PIP5K1B: variants seen among roughly 807,000 people sequenced by gnomAD.
The protein encoded by PIP5K1B is phosphatidylinositol 4-phosphate 5-kinase type-1 beta.
In PIP5K1B, 42 loss-of-function variants were observed where a neutral mutation model predicts 67.0. That is an observed-to-expected ratio of 0.63 (90% CI 0.49 to 0.81). The LOEUF is 0.81. PIP5K1B is among the 30% of genes least tolerant of loss of function. The probability of loss-of-function intolerance (pLI) is 0.00; values close to 1 mark genes in which losing one functional copy is unlikely to be tolerated. For missense variants in PIP5K1B, 459 were observed against 646.3 expected (o/e 0.71, Z 3.14); for synonymous variants, 214 against 231.4 (o/e 0.92, Z 0.68).
At chr9:68,808,451 A>ATGTCTT (rs1832989414) in intron 2 of PIP5K1B, among the ~76,000 whole-genome samples, 1 of 151,884 alleles carries the variant, frequency 6.6e-6, no homozygotes, top group Non-Finnish European at 1.5e-5. Flanking sequence ...GATACATACT[A>ATGTCTT]TGTCTTTGTA....
At chr9:68,894,710 A>C in intron 8 of PIP5K1B, 72 bp downstream of exon 8, 5 of 1,383,748 alleles carry the variant, frequency 3.6e-6, no homozygotes, top group Non-Finnish European at 5.0e-6. Flanking sequence ...CACTTATTGA[A>C]AGCATAGAAA....
rs577804429 is a variant in PIP5K1B, at chr9:68,924,333, C to T, written c.1201+947C>T. ...AGGAGAATCGCTTGAACCCAGGAGG[C>T]GGAGGTTGCAGTGAGCCGAGATCAT... On this transcript the variant is annotated intron_variant, in intron 12 of 15. Coordinates refer to ENST00000265382, the MANE Select transcript of PIP5K1B (RefSeq NM_003558.4). 3.9e-5 allele frequency among the ~76,000 whole-genome samples: 5 copies of T among 129,780 alleles called. No homozygotes were observed. The South Asian group carries it at 8.0e-4, about 21-fold the overall frequency. The allele number at this position is 129,780 out of a possible 152,430, so 85.1% of individuals were successfully genotyped here. A position where few individuals can be genotyped will look rare whatever the true frequency, so the allele number is the denominator to read the frequency against.
chr9:68,995,598 G>C (rs1157158316), intron 15 of PIP5K1B, among the ~76,000 whole-genome samples: 1 of 152,118 alleles, frequency 6.6e-6, no homozygotes, highest in Non-Finnish European at 1.5e-5. Context: ...CTGAGGTCGG[G>C]AATTCGAGAC....
chr9:69,006,653 T>A (rs1409352692), intron 15 of PIP5K1B, among the ~76,000 whole-genome samples: 1 of 152,134 alleles, frequency 6.6e-6, no homozygotes, highest in Non-Finnish European at 1.5e-5. Context: ...TCCCCTGGGG[T>A]CCTGGCTCCA....
At chr9:68,895,821 C>T (rs1825056089) in intron 8 of PIP5K1B, among the ~76,000 whole-genome samples, 1 of 152,088 alleles carries the variant, frequency 6.6e-6, no homozygotes, top group South Asian at 2.1e-4. Context: ...TTAATTCTCT[C>T]AGCAATTCTT....
intron 2 of PIP5K1B, among the ~76,000 whole-genome samples, chr9:68,757,792 A>G (rs1020697761): frequency 6.6e-6 from 1 of 152,210 alleles, no homozygotes; most frequent in African/African-American, 2.4e-5. Flanking sequence ...TGAAATCTAA[A>G]TAAAGTCAGA....
chr9:68,815,768 CT>C (rs1833411114), intron 2 of PIP5K1B, among the ~76,000 whole-genome samples: 2 of 151,938 alleles, frequency 1.3e-5, no homozygotes, highest in Admixed American at 1.3e-4. Context: ...TGAAAATATG[CT>C]TTTAAGAAGA....
chr9:68,822,527 A>G (rs1833780855), intron 3 of PIP5K1B, 88 bp from the exon 4 acceptor site: 1 of 970,044 alleles, frequency 1.0e-6, no homozygotes, highest in Non-Finnish European at 1.6e-6. Flanking sequence ...ATACTTAACT[A>G]AAATAGATCC....
intron 2 of PIP5K1B, among the ~76,000 whole-genome samples, chr9:68,791,990 C>T (rs1159180980): frequency 1.3e-5 from 2 of 152,078 alleles, no homozygotes; most frequent in East Asian, 3.8e-4. Context: ...CCTCCTTCCT[C>T]CACAACCCCT....
intron 14 of PIP5K1B, among the ~76,000 whole-genome samples, chr9:68,953,698 C>T (rs1242098995): frequency 6.6e-6 from 1 of 151,492 alleles, no homozygotes; most frequent in African/African-American, 2.4e-5. Context: ...ACCTGTAGTC[C>T]CAGCTACTCA....
chr9:68,865,667 G>T (rs1823321077), intron 5 of PIP5K1B, among the ~76,000 whole-genome samples: 1 of 152,142 alleles, frequency 6.6e-6, no homozygotes, highest in Non-Finnish European at 1.5e-5. Flanking sequence ...ACCATTGACG[G>T]GCACTTGGGG....
At chr9:68,999,004 G>T (rs1272535171) in intron 15 of PIP5K1B, among the ~76,000 whole-genome samples, 3 of 152,148 alleles carry the variant, frequency 2.0e-5, no homozygotes, top group African/African-American at 7.2e-5. Flanking sequence ...TGAAATCAAG[G>T]TGTCAGTAGT....
intron 1 of PIP5K1B, among the ~76,000 whole-genome samples, chr9:68,718,435 T>G (rs1587335257): frequency 2.0e-5 from 3 of 152,336 alleles, no homozygotes; most frequent in South Asian, 4.1e-4. Flanking sequence ...GAATAAAGAA[T>G]AATTTGACGG....
intron 5 of PIP5K1B, among the ~76,000 whole-genome samples, chr9:68,866,549 T>C (rs1823364801): frequency 6.6e-6 from 1 of 152,130 alleles, no homozygotes; most frequent in Non-Finnish European, 1.5e-5. Flanking sequence ...TAAATAGATA[T>C]TGATGTTTGC....
rs1348544186 is a variant in PIP5K1B at position 68,940,721 on chromosome 9, C to T, written c.1433C>T (p.Thr478Ile). ...SLFEAASLAT[T>I]ISSSSLYVNE... ...TTTGAAGCTGCTTCCTTGGCAACCA[C>T]AATTTCATCTTCTTCCTTATACGTC... The change falls in exon 14 of 16, where the codon ACA becomes ATA. Residue 478 changes from threonine to isoleucine, a missense_variant. Thr to Ile is a moderately conservative substitution (Grantham distance 89, BLOSUM62 -1). This residue lies in a region of PIP5K1B where 169 missense variants were observed against 171.9 expected (regional missense o/e 0.98). Coordinates refer to ENST00000265382, the MANE Select transcript of PIP5K1B (RefSeq NM_003558.4). 1 of 1,614,004 alleles carries T rather than the reference C, an allele frequency of 6.2e-7. No homozygotes were observed. Among genetic ancestry groups the T allele is most frequent in the African/African-American group, 1.3e-5 (1 of 75,046 alleles).
intron 8 of PIP5K1B, among the ~76,000 whole-genome samples, chr9:68,916,068 A>G (rs142295346): frequency 1.5e-3 from 226 of 152,296 alleles, no homozygotes; most frequent in African/African-American, 5.1e-3. Flanking sequence ...TTTTATCCCT[A>G]AACAATTATC....
At chr9:68,809,685 G>T (rs1180473525) in intron 2 of PIP5K1B, among the ~76,000 whole-genome samples, 1 of 152,060 alleles carries the variant, frequency 6.6e-6, no homozygotes, top group African/African-American at 2.4e-5. Flanking sequence ...AAGCCAACAC[G>T]GTGCCCAGAC....
intron 14 of PIP5K1B, among the ~76,000 whole-genome samples, chr9:68,955,177 G>A (rs867544209): frequency 6.6e-6 from 1 of 152,144 alleles, no homozygotes; most frequent in African/African-American, 2.4e-5. Flanking sequence ...CATTGTCCTT[G>A]GCATAAGTGC....
intron 5 of PIP5K1B, among the ~76,000 whole-genome samples, chr9:68,871,098 T>A (rs1399384255): frequency 6.6e-6 from 1 of 152,140 alleles, no homozygotes; most frequent in Non-Finnish European, 1.5e-5. Context: ...AACAAAGCTG[T>A]GTTGTTATTA....
Sources: gnomAD v4.1 joint callset for allele counts (sites outside exome capture counted in the v4.1 genomes callset) on GRCh38, gnomAD v4.1.1 for gene constraint, gnomAD v4.1.1 regional missense constraint, MANE v1.5 for transcripts, NCBI Gene and HGNC (gene_info 2026-07-23, HGNC 2026-07-21) for gene names.